BCAS3: variants seen among roughly 807,000 people sequenced by gnomAD.
The protein encoded by BCAS3 is BCAS3 microtubule associated cell migration factor.
In BCAS3, 53 loss-of-function variants were observed where a neutral mutation model predicts 116.1. That is an observed-to-expected ratio of 0.46 (90% CI 0.37 to 0.57). The LOEUF is 0.57. Ranked by LOEUF, BCAS3 falls within the 20% of genes least tolerant of loss-of-function variation. The pLI is 0.00. For synonymous variants in BCAS3, 391 were observed against 408.2 expected (o/e 0.96, Z 0.51); for missense variants, 917 against 1,165.4 (o/e 0.79, Z 3.10).
Position 61,302,107 on chromosome 17 carries a change from C to T in BCAS3, c.2426-66220C>T, listed in dbSNP as rs1197128934. On this transcript the variant is annotated intron_variant, in intron 22 of 23. Transcript: ENST00000407086. The surrounding 1 kb of genome is among the most constrained non-coding windows in gnomAD (Gnocchi z 4.4). The stretch of plus-strand genomic sequence containing the variant: ...AAAAAGTTGAGATTCTCTACACATA[C>T]AGTCAGCTCATTACCTCCTCCCTGT... 1.3e-5 allele frequency among the ~76,000 whole-genome samples: 2 copies of T among 152,126 alleles called. No homozygotes were observed. The highest frequency in any genetic ancestry group is 4.8e-5 in the African/African-American group (2 of 41,410).
chr17:61,210,934 G>T (rs2081421760), intron 22 of BCAS3, among the ~76,000 whole-genome samples: 1 of 152,076 alleles, frequency 6.6e-6, no homozygotes, highest in Non-Finnish European at 1.5e-5. Context: ...TTTTCAGATA[G>T]AGTCTGAAAA....
In BCAS3 at chr17:61,318,950, G is replaced by A. The variant is rs188242828; in HGVS notation, c.2426-49377G>A. 1.8e-4 allele frequency among the ~76,000 whole-genome samples: 27 copies of A among 152,334 alleles called. No individual in the cohort carries two copies. The East Asian group carries it at 4.4e-3, about 25-fold the overall frequency. ...TAGAAGGAGCTTTGTACTGTGCATC[G>A]TGAAACTTGGGGTTTGACCTGGTTC... On this transcript the variant is annotated intron_variant, in intron 22 of 23. Transcript: ENST00000407086.
At chr17:61,275,519 T>A (rs2050693107) in intron 22 of BCAS3, among the ~76,000 whole-genome samples, 1 of 151,686 alleles carries the variant, frequency 6.6e-6, no homozygotes, top group Admixed American at 6.6e-5. Flanking sequence ...TGTGCATTTC[T>A]CAGCCAGGAT....
Position 61,377,144 on chromosome 17 carries a change from G to C in BCAS3, c.2593+8650G>C, listed in dbSNP as rs1193628379. 6.6e-6 allele frequency among the ~76,000 whole-genome samples: 1 copy of C among 152,182 alleles called. No individual in the cohort carries two copies. Among genetic ancestry groups the C allele is most frequent in the African/African-American group, 2.4e-5 (1 of 41,450 alleles). ...GAGTGCTCCCCTGCCCACAGGGCATGGTCTTTCTAGGATGCGGAGGCAAAG... is the reference window on the plus strand; with the variant it reads ...GAGTGCTCCCCTGCCCACAGGGCATCGTCTTTCTAGGATGCGGAGGCAAAG... On this transcript the variant is annotated intron_variant, in intron 23 of 23. Transcript: ENST00000407086. This position sits in a 1 kb window ranked among gnomAD's most constrained non-coding sequence, Gnocchi z 4.6.
At chr17:61,257,779 A>G (rs1029622339) in intron 22 of BCAS3, among the ~76,000 whole-genome samples, 5 of 152,234 alleles carry the variant, frequency 3.3e-5, no homozygotes, top group Non-Finnish European at 5.9e-5. Flanking sequence ...TTCTTCATCT[A>G]GACAAATGTG....
intron 7 of BCAS3, among the ~76,000 whole-genome samples, chr17:60,839,698 T>G (rs2051718260): frequency 6.6e-6 from 1 of 152,180 alleles, no homozygotes; most frequent in Non-Finnish European, 1.5e-5. Flanking sequence ...TGTAATACTA[T>G]CAAAAATTTT....
rs187841345 is a variant in BCAS3, at chr17:61,352,537, G to C, written c.2426-15790G>C. Among the ~76,000 whole-genome samples, 36 of 152,274 alleles carry C rather than the reference G, an allele frequency of 2.4e-4. No homozygotes were observed. In the East Asian group the frequency reaches 6.9e-3, roughly 29 times the overall value. On this transcript the variant is annotated intron_variant, in intron 22 of 23. Coordinates refer to ENST00000407086, the MANE Select transcript of BCAS3 (RefSeq NM_017679.5). This position sits in a 1 kb window ranked among gnomAD's most constrained non-coding sequence, Gnocchi z 4.7. Reference sequence around the variant, plus strand: ...CATCCTGGTTGGCCTCGGTGGAGTAGAAGTGGAGGGAAGGAGGGGTGATGC... The same window carrying C: ...CATCCTGGTTGGCCTCGGTGGAGTACAAGTGGAGGGAAGGAGGGGTGATGC...
At chr17:60,887,833 G>A (rs941312437) in intron 9 of BCAS3, among the ~76,000 whole-genome samples, 1 of 152,118 alleles carries the variant, frequency 6.6e-6, no homozygotes, top group Non-Finnish European at 1.5e-5. Flanking sequence ...ATCTAAAATT[G>A]CATCATGCTT....
chr17:60,977,798 A>G (rs1326225282), intron 14 of BCAS3, among the ~76,000 whole-genome samples: 1 of 150,070 alleles, frequency 6.7e-6, no homozygotes, highest in African/African-American at 2.5e-5. Flanking sequence ...GATGATTTCC[A>G]ATTTCATCCA....
chr17:60,911,892 A>G (rs1168208932), intron 12 of BCAS3, among the ~76,000 whole-genome samples: 1 of 152,246 alleles, frequency 6.6e-6, no homozygotes, highest in Admixed American at 6.5e-5. Flanking sequence ...TTAAAGTAGC[A>G]TATAAGAATA....
intron 16 of BCAS3, among the ~76,000 whole-genome samples, chr17:61,030,928 A>G (rs1010765678): frequency 6.6e-6 from 1 of 152,004 alleles, no homozygotes; most frequent in Non-Finnish European, 1.5e-5. Flanking sequence ...CATCGAGAGT[A>G]TGTCTTGTTC....
chr17:60,862,176 G>A (rs572219653), intron 7 of BCAS3, among the ~76,000 whole-genome samples: 31 of 152,102 alleles, frequency 2.0e-4, no homozygotes, highest in Non-Finnish European at 4.0e-4. Context: ...CCAGCTATTC[G>A]AGAGGCTGAG....
chr17:60,766,737 G>A (rs1598562802), intron 6 of BCAS3, among the ~76,000 whole-genome samples: 1 of 152,288 alleles, frequency 6.6e-6, no homozygotes. Context: ...AGAGCTGTCG[G>A]GCAGGGACGT....
rs551354442 is a variant in BCAS3, at chr17:61,389,114, G to A, written c.2594-2863G>A. The A allele has an allele frequency of 8.2e-5, 16 of 194,648 alleles. No individual in the cohort carries two copies. In the East Asian group the frequency reaches 2.1e-3, roughly 26 times the overall value. The allele number at this position is 194,648 out of a possible 1,614,324, so 12.1% of individuals were successfully genotyped here. A position where few individuals can be genotyped will look rare whatever the true frequency, so the allele number is the denominator to read the frequency against. ...CTAGATGAGACACATGGGACGATGA[G>A]GGGGCCTGGGCTAGGAGTCAGCACA... On this transcript the variant is annotated intron_variant, in intron 23 of 23. Coordinates refer to ENST00000407086, the MANE Select transcript of BCAS3 (RefSeq NM_017679.5).
At chr17:61,047,097 A>C (rs2068426969) in intron 19 of BCAS3, among the ~76,000 whole-genome samples, 1 of 152,028 alleles carries the variant, frequency 6.6e-6, no homozygotes, top group Admixed American at 6.6e-5. Context: ...ATATAAAGTA[A>C]GTAAAAACTC....
chr17:60,817,121 C>A (rs1411732693), intron 7 of BCAS3, among the ~76,000 whole-genome samples: 1 of 152,192 alleles, frequency 6.6e-6, no homozygotes, highest in Non-Finnish European at 1.5e-5. Flanking sequence ...AACATACTCT[C>A]TCTTACTGCA....
At position 61,388,617 on chromosome 17, in the gene BCAS3, GGGAAAAAAAAA is replaced by G; in HGVS notation, c.2594-3348_2594-3338del. 3 of 1,532,116 alleles carry G rather than the reference GGGAAAAAAAAA, an allele frequency of 2.0e-6. No individual in the cohort carries two copies. Among genetic ancestry groups the G allele is most frequent in the Non-Finnish European group, 2.6e-6 (3 of 1,146,510 alleles). 94.9% of individuals were successfully genotyped at this position (1,532,116 alleles called of 1,614,324 possible). A position where few individuals can be genotyped will look rare whatever the true frequency, so the allele number is the denominator to read the frequency against. On this transcript the variant is annotated intron_variant, in intron 23 of 23. Transcript: ENST00000407086. The surrounding 1 kb of genome is among the most constrained non-coding windows in gnomAD (Gnocchi z 6.5). ...TTCCTCAATGCTTTTCTTTTCAAAA[GGGAAAAAAAAA>G]GGAAAAAAAAAACAATGCCAACAGC...
At chr17:60,845,852 G>C (rs548702714) in intron 7 of BCAS3, among the ~76,000 whole-genome samples, 2 of 141,180 alleles carry the variant, frequency 1.4e-5, no homozygotes, top group East Asian at 4.1e-4. Flanking sequence ...CTGCAACCTT[G>C]AACTCCTGGG....
At position 61,364,368 on chromosome 17, in the gene BCAS3, T is replaced by C. The variant is rs1205549187; in HGVS notation, c.2426-3959T>C. Among the ~76,000 whole-genome samples, 3 of 152,192 alleles carry C rather than the reference T, an allele frequency of 2.0e-5. No individual in the cohort carries two copies. Among genetic ancestry groups the C allele is most frequent in the African/African-American group, 7.2e-5 (3 of 41,444 alleles). Reference sequence around the variant, plus strand: ...GGAAGGGTTTTTAAATGTCATTGGTTGAAGGTGACAGGAGTTCTCAAAATG... The same window carrying C: ...GGAAGGGTTTTTAAATGTCATTGGTCGAAGGTGACAGGAGTTCTCAAAATG... On this transcript the variant is annotated intron_variant, in intron 22 of 23. Transcript: ENST00000407086. This position sits in a 1 kb window ranked among gnomAD's most constrained non-coding sequence, Gnocchi z 5.4.
Sources: gnomAD v4.1 joint callset for allele counts (sites outside exome capture counted in the v4.1 genomes callset) on GRCh38, gnomAD v4.1.1 for gene constraint, Gnocchi (gnomAD v3.1) non-coding constraint, MANE v1.5 for transcripts, NCBI Gene and HGNC (gene_info 2026-07-23, HGNC 2026-07-21) for gene names.